KCNK1: variants seen among roughly 807,000 people sequenced by gnomAD.
The protein encoded by KCNK1 is potassium channel subfamily K member 1.
In KCNK1, 10 loss-of-function variants were observed where a neutral mutation model predicts 22.2. The ratio of observed to expected loss-of-function variants is 0.45; its 90% CI spans 0.28 to 0.76. The LOEUF is 0.76. KCNK1 is among the 30% of genes least tolerant of loss of function. The pLI is 0.14. For missense variants in KCNK1, 378 were observed against 421.0 expected (o/e 0.90, Z 0.89); for synonymous variants, 200 against 186.4 (o/e 1.07, Z -0.60).
chr1:233,631,453 C>T (rs951856600), intron 1 of KCNK1: 4 of 375,248 alleles, frequency 1.1e-5, no homozygotes, highest in African/African-American at 2.2e-5. Flanking sequence ...TGTTCATTCC[C>T]GTTTGTGCCC....
intron 1 of KCNK1, among the ~76,000 whole-genome samples, chr1:233,628,261 C>G (rs776512193): frequency 6.6e-6 from 1 of 151,974 alleles, no homozygotes; most frequent in African/African-American, 2.4e-5. Context: ...AGTCCAACCT[C>G]GAAGATGGAA....
intron 2 of KCNK1, 85 bp from the exon 3 acceptor site, chr1:233,671,186 G>T (rs997257883): frequency 8.3e-7 from 1 of 1,208,774 alleles, no homozygotes. Context: ...ACACTGTGTT[G>T]GCATGAGGTG....
chr1:233,625,267 AT>A (rs1421681972), intron 1 of KCNK1, among the ~76,000 whole-genome samples: 1 of 152,204 alleles, frequency 6.6e-6, no homozygotes, highest in Non-Finnish European at 1.5e-5. Flanking sequence ...CTGAGCATGT[AT>A]TCCTTCCTTC....
At chr1:233,648,748 G>A (rs1464592174) in intron 1 of KCNK1, among the ~76,000 whole-genome samples, 2 of 152,038 alleles carry the variant, frequency 1.3e-5, no homozygotes, top group South Asian at 2.1e-4. Flanking sequence ...TGTATTTTTA[G>A]TAGAGATGGG....
chr1:233,672,426 C>G lies in KCNK1; in HGVS notation c.*896C>G, dbSNP rs897228980. 4.6e-5 allele frequency: 7 copies of G among 151,330 alleles called. No homozygotes were observed. Among genetic ancestry groups the G allele is most frequent in the African/African-American group, 1.2e-4 (5 of 41,196 alleles). 9.4% of individuals were successfully genotyped at this position (151,330 alleles called of 1,614,324 possible). A position where few individuals can be genotyped will look rare whatever the true frequency, so the allele number is the denominator to read the frequency against. ...AGCACTAAAGCATAGAACTTAAACA[C>G]GAATCCCTAAATGAACAGATTATGT... On this transcript the variant is annotated 3_prime_UTR_variant, in exon 3 of 3. Transcript: ENST00000366621.
At chr1:233,649,560 G>T (rs1346329016) in intron 1 of KCNK1, among the ~76,000 whole-genome samples, 1 of 152,122 alleles carries the variant, frequency 6.6e-6, no homozygotes, top group Non-Finnish European at 1.5e-5. Context: ...GTTTCTTCTG[G>T]TTCTGGAGGC....
chr1:233,667,102 G>GA, intron 2 of KCNK1, 112 bp downstream of exon 2: 1 of 884,816 alleles, frequency 1.1e-6, no homozygotes, highest in Non-Finnish European at 1.5e-6. Context: ...GGAGTGCAGT[G>GA]GTGCGATCTT....
Position 233,614,106 on chromosome 1 carries a change from A to G in KCNK1, c.-66A>G. ...GGGCGGGGGCGGGGGCGGCGGGGCC[A>G]GAAGAGGCGGCGGGCCGCGCTCCGG... On this transcript the variant is annotated 5_prime_UTR_variant, in exon 1 of 3. Coordinates refer to ENST00000366621, the MANE Select transcript of KCNK1 (RefSeq NM_002245.4). 2.5e-6 allele frequency: 3 copies of G among 1,186,198 alleles called. No individual in the cohort carries two copies. Among genetic ancestry groups the G allele is most frequent in the Non-Finnish European group, 3.3e-6 (3 of 914,026 alleles). The allele number at this position is 1,186,198 out of a possible 1,614,324, so 73.5% of individuals were successfully genotyped here.
At chr1:233,663,981 G>A (rs559833171) in intron 1 of KCNK1, among the ~76,000 whole-genome samples, 6 of 152,114 alleles carry the variant, frequency 3.9e-5, no homozygotes, top group Admixed American at 2.6e-4. Context: ...ACAGGTGCCC[G>A]CTACCATGCC....
intron 1 of KCNK1, among the ~76,000 whole-genome samples, chr1:233,655,066 C>A (rs1378425584): frequency 6.6e-6 from 1 of 152,200 alleles, no homozygotes; most frequent in East Asian, 1.9e-4. Flanking sequence ...ACAGAGCAAC[C>A]TTTGGGGAGG....
intron 1 of KCNK1, among the ~76,000 whole-genome samples, chr1:233,634,623 AG>A (rs1447228608): frequency 6.6e-6 from 1 of 152,202 alleles, no homozygotes; most frequent in Non-Finnish European, 1.5e-5. Flanking sequence ...TTAGCAAAGC[AG>A]GGCTCATGGG....
chr1:233,646,919 ATT>A (rs1658110347), intron 1 of KCNK1, among the ~76,000 whole-genome samples: 1 of 152,176 alleles, frequency 6.6e-6, no homozygotes, highest in South Asian at 2.1e-4. Flanking sequence ...GGAAGCTCAC[ATT>A]GAACCAGCTG....
intron 1 of KCNK1, among the ~76,000 whole-genome samples, chr1:233,634,258 A>T (rs1657857536): frequency 1.3e-5 from 2 of 151,220 alleles, no homozygotes; most frequent in South Asian, 4.2e-4. Context: ...GTGAACTGAG[A>T]TCTCGCCACT....
At chr1:233,625,890 G>A (rs1021049598) in intron 1 of KCNK1, among the ~76,000 whole-genome samples, 2 of 152,162 alleles carry the variant, frequency 1.3e-5, no homozygotes, top group Non-Finnish European at 2.9e-5. Context: ...TGAGTAAGAG[G>A]GGAGTGATGA....
intron 1 of KCNK1, among the ~76,000 whole-genome samples, chr1:233,661,429 T>C (rs943862043): frequency 6.6e-5 from 10 of 152,198 alleles, no homozygotes; most frequent in African/African-American, 1.2e-4. Context: ...CAAGAAACGA[T>C]TCATGAATGA....
chr1:233,619,901 C>CT (rs1404156131), intron 1 of KCNK1, among the ~76,000 whole-genome samples: 1 of 127,044 alleles, frequency 7.9e-6, no homozygotes, highest in Non-Finnish European at 1.6e-5. Context: ...CAGAGCGAGA[C>CT]TCCTCCGTCT....
chr1:233,650,643 A>G (rs1488388110), intron 1 of KCNK1, among the ~76,000 whole-genome samples: 1 of 152,196 alleles, frequency 6.6e-6, no homozygotes, highest in Admixed American at 6.5e-5. Flanking sequence ...TAACACCTGC[A>G]TGAGATAGGA....
chr1:233,671,677 A>G lies in KCNK1; in HGVS notation c.*147A>G, dbSNP rs1658601317. The G allele has an allele frequency of 3.5e-6, 3 of 869,564 alleles. No homozygotes were observed. The highest frequency in any genetic ancestry group is 1.8e-5 in the South Asian group (1 of 54,690). 53.9% of individuals were successfully genotyped at this position (869,564 alleles called of 1,614,324 possible). On this transcript the variant is annotated 3_prime_UTR_variant, in exon 3 of 3. Coordinates refer to ENST00000366621, the MANE Select transcript of KCNK1 (RefSeq NM_002245.4). ...GTTTGCAATGTCTTATTAAAAAACA[A>G]CAAAAAAAGACAAATGGAACAAAGA...
chr1:233,625,289 G>A (rs116838232), intron 1 of KCNK1, among the ~76,000 whole-genome samples: 287 of 152,296 alleles, frequency 1.9e-3, no homozygotes, highest in African/African-American at 6.2e-3. Flanking sequence ...TGGGTGTGGG[G>A]CAGCACCCTC....
Sources: allele counts gnomAD v4.1 joint callset (sites outside exome capture counted in the v4.1 genomes callset), GRCh38; gene constraint gnomAD v4.1.1; transcripts MANE v1.5; gene names NCBI Gene and HGNC (gene_info 2026-07-23, HGNC 2026-07-21).